DMD: variants seen among roughly 807,000 people sequenced by gnomAD.
DMD encodes the protein mutant dystrophin.
In DMD, 63 loss-of-function variants were observed where a neutral mutation model predicts 330.1. The observed-to-expected ratio is 0.19, with a 90% CI of 0.16 to 0.24. The LOEUF is 0.24. Among genes scored for constraint, DMD ranks in the 10% least tolerant of loss-of-function variants. The pLI, the probability that DMD is intolerant of heterozygous loss-of-function variation, is 1.00. For missense variants in DMD, 3,344 were observed against 2,684.1 expected, an observed-to-expected ratio of 1.25 and a Z score of -5.43; for synonymous variants, 1,223 against 959.8, an observed-to-expected ratio of 1.27 and a Z score of -5.07.
intron 30 of DMD, among the ~76,000 whole-genome samples, chrX:32,405,092 T>C (rs111963094): frequency 0.1 from 11,125 of 111,167 alleles, 580 homozygotes; most frequent in Middle Eastern, 0.18. Flanking sequence ...GTATGAAAAA[T>C]ACTCTGGAAC....
chrX:32,569,297 C>T (rs559210673), intron 15 of DMD, among the ~76,000 whole-genome samples: 3 of 111,821 alleles, frequency 2.7e-5, no homozygotes, highest in Admixed American at 9.5e-5. Context: ...AGAATAATGC[C>T]AAGACAATTT....
chrX:32,725,173 G>C (rs750361589), intron 7 of DMD, among the ~76,000 whole-genome samples: 1 of 110,824 alleles, frequency 9.0e-6, no homozygotes, highest in African/African-American at 3.3e-5. Flanking sequence ...CAGCATTTCT[G>C]GTAAAGACTC....
chrX:31,385,182 G>T (rs1714416622), intron 60 of DMD, among the ~76,000 whole-genome samples: 1 of 111,780 alleles, frequency 8.9e-6, no homozygotes, highest in Non-Finnish European at 1.9e-5. Context: ...TCCTCTGCTG[G>T]TACATCTACT....
In DMD at chrX:32,472,286, G is replaced by A. The variant is rs199986217; in HGVS notation, c.2827C>T (p.Arg943Cys). ...ATGGCACTCATGGTCTCCTGATAGCGCATTGGTGGCAAAGTGTCAAAAACT... is the reference window on the plus strand; with the variant it reads ...ATGGCACTCATGGTCTCCTGATAGCACATTGGTGGCAAAGTGTCAAAAACT... ...QTIFDTLPPM[R>C]YQETMSAIRT... The change falls in exon 22 of 79, where the codon CGC becomes TGC. Residue 943 changes from arginine to cysteine, a missense_variant. Arg to Cys is a radical substitution (Grantham distance 180). Coordinates refer to ENST00000357033, the MANE Select transcript of DMD (RefSeq NM_004006.3). The A allele has an allele frequency of 1.9e-4, 227 of 1,208,551 alleles. No individual in the cohort carries two copies. The highest frequency in any genetic ancestry group is 9.2e-4 in the Middle Eastern group (4 of 4,348).
intron 45 of DMD, among the ~76,000 whole-genome samples, chrX:31,944,025 G>T (rs1364857265): frequency 1.8e-5 from 2 of 111,223 alleles, no homozygotes; most frequent in African/African-American, 3.3e-5. Flanking sequence ...TTGCAGCTAA[G>T]TTCCTCAGAA....
At chrX:31,768,190 C>G (rs1184375369) in intron 51 of DMD, among the ~76,000 whole-genome samples, 1 of 111,376 alleles carries the variant, frequency 9.0e-6, no homozygotes, top group East Asian at 2.8e-4. Context: ...CTACAATTAA[C>G]TCAGCACAGG....
At chrX:31,694,780 T>C (rs750185220) in intron 52 of DMD, among the ~76,000 whole-genome samples, 2 of 108,270 alleles carry the variant, frequency 1.8e-5, no homozygotes, top group East Asian at 5.8e-4. Flanking sequence ...CAAGTGTTCA[T>C]GAGGATACAG....
chrX:32,539,459 G>C (rs1182298830), intron 17 of DMD, among the ~76,000 whole-genome samples: 1 of 110,543 alleles, frequency 9.0e-6, no homozygotes, highest in Non-Finnish European at 1.9e-5. Context: ...ATAGGCAAAA[G>C]TGTCATTACT....
At chrX:32,158,256 G>C (rs1217623605) in intron 44 of DMD, among the ~76,000 whole-genome samples, 1 of 111,567 alleles carries the variant, frequency 9.0e-6, no homozygotes, top group Non-Finnish European at 1.9e-5. Context: ...ATACAAGCCA[G>C]GTGTGGTGGC....
intron 2 of DMD, among the ~76,000 whole-genome samples, chrX:33,002,548 C>T (rs1040209913): frequency 4.6e-5 from 5 of 109,867 alleles, no homozygotes; most frequent in Non-Finnish European, 9.5e-5. Context: ...CCTGTGCAAA[C>T]ATCTGATTGG....
At chrX:33,083,932 C>A (rs2094967276) in intron 1 of DMD, among the ~76,000 whole-genome samples, 1 of 110,804 alleles carries the variant, frequency 9.0e-6, no homozygotes, top group Admixed American at 9.6e-5. Flanking sequence ...CATAGGGCTA[C>A]AGAACCAGTC....
At chrX:32,283,843 C>G (rs974375973) in intron 43 of DMD, among the ~76,000 whole-genome samples, 1 of 111,567 alleles carries the variant, frequency 9.0e-6, no homozygotes. Context: ...ACAAAAATAT[C>G]GACTAACTGC....
chrX:31,557,662 A>G (rs1255107707), intron 55 of DMD, among the ~76,000 whole-genome samples: 2 of 112,176 alleles, frequency 1.8e-5, no homozygotes, highest in Non-Finnish European at 3.8e-5. Context: ...CTATCAAACA[A>G]TAGTGCATCA....
rs764350208 is a variant in DMD, at chrX:33,102,139, G to T, written c.32-81939C>A. Among the ~76,000 whole-genome samples, 29 of 111,247 alleles carry T rather than the reference G, an allele frequency of 2.6e-4. No homozygotes were observed. The East Asian group carries it at 7.9e-3, about 30-fold the overall frequency. On this transcript the variant is annotated intron_variant, in intron 1 of 78. Transcript: ENST00000357033. ...AGACTGTCACGTTTTATTTATTTCAGGTTTGTTGTTTGCCACAATAGACAT... is the reference window on the plus strand; with the variant it reads ...AGACTGTCACGTTTTATTTATTTCATGTTTGTTGTTTGCCACAATAGACAT...
At chrX:33,312,843 G>A (rs1373520353) in intron 1 of DMD, among the ~76,000 whole-genome samples, 1 of 111,576 alleles carries the variant, frequency 9.0e-6, no homozygotes, top group Non-Finnish European at 1.9e-5. Flanking sequence ...ACTTACCTAA[G>A]GAACCTATTT....
rs141752354 is a variant in DMD at position 31,446,815 on chromosome X, A to G, written c.8938-2188T>C. On this transcript the variant is annotated intron_variant, in intron 59 of 78. Coordinates refer to ENST00000357033, the MANE Select transcript of DMD (RefSeq NM_004006.3). ...AAAATGAAATCATTCTCTTCTGGAT[A>G]ATAACGTGCATTTCTAGTAGCCACA... Among the ~76,000 whole-genome samples, 984 of 112,334 alleles carry G rather than the reference A, an allele frequency of 8.8e-3. 4 individuals are homozygous for G. Among genetic ancestry groups the G allele is most frequent in the Middle Eastern group, 0.018 (4 of 217 alleles).
chrX:33,039,507 C>G (rs2094262239), intron 1 of DMD, among the ~76,000 whole-genome samples: 1 of 111,368 alleles, frequency 9.0e-6, no homozygotes, highest in South Asian at 3.8e-4. Flanking sequence ...GCTTTTGAGT[C>G]ACCTTTTTTC....
chrX:33,103,366 A>G (rs1307106621), intron 1 of DMD, among the ~76,000 whole-genome samples: 1 of 110,950 alleles, frequency 9.0e-6, no homozygotes, highest in Non-Finnish European at 1.9e-5. Context: ...AGAATCACAA[A>G]AGAAGTGAAA....
intron 44 of DMD, among the ~76,000 whole-genome samples, chrX:32,155,710 G>GGCTGC (rs2096826980): frequency 9.0e-6 from 1 of 111,540 alleles, no homozygotes; most frequent in Non-Finnish European, 1.9e-5. Flanking sequence ...TAACAAACCA[G>GGCTGC]AGACCTGATA....
Sources: gnomAD v4.1 joint callset for allele counts (sites outside exome capture counted in the v4.1 genomes callset) on GRCh38, gnomAD v4.1.1 for gene constraint, MANE v1.5 for transcripts, NCBI Gene and HGNC (gene_info 2026-07-23, HGNC 2026-07-21) for gene names.